The following DDX4 variants were observed in gnomAD, a reference collection of about 807,000 sequenced individuals.
DDX4 encodes the protein DEAD-box helicase 4.
In DDX4, 25 loss-of-function variants were observed where a neutral mutation model predicts 100.0. The observed-to-expected ratio is 0.25, with a 90% CI of 0.18 to 0.35. The LOEUF (loss-of-function observed/expected upper bound fraction) is 0.35. DDX4 is among the 10% of genes least tolerant of loss of function. The pLI, the probability that DDX4 is intolerant of heterozygous loss-of-function variation, is 1.00. For missense variants in DDX4, 635 were observed against 882.4 expected, an observed-to-expected ratio of 0.72 and a Z score of 3.55; for synonymous variants, 259 against 275.7, an observed-to-expected ratio of 0.94 and a Z score of 0.60.
chr5:55,756,689 A>AAG (rs1360043835), intron 3 of DDX4, among the ~76,000 whole-genome samples: 2 of 152,114 alleles, frequency 1.3e-5, no homozygotes, highest in African/African-American at 4.8e-5. Flanking sequence ...GATTTGGTCC[A>AAG]AGTGTAACTA....
intron 2 of DDX4, among the ~76,000 whole-genome samples, chr5:55,743,050 A>G (rs192867363): frequency 8.9e-4 from 136 of 152,302 alleles, no homozygotes; most frequent in Admixed American, 1.3e-3. Context: ...AAGAAGGCCA[A>G]TGTGTTAGTT....
At chr5:55,784,241 A>T (rs4333272) in intron 10 of DDX4, among the ~76,000 whole-genome samples, 16,445 of 152,132 alleles carry the variant, frequency 0.11, 1,367 homozygotes, top group East Asian at 0.29. Context: ...CTAGAGTCCA[A>T]AGGCCAGAGA....
chr5:55,793,023 AGTGT>A (rs10551567), intron 17 of DDX4, among the ~76,000 whole-genome samples: 10,857 of 144,668 alleles, frequency 0.075, 592 homozygotes, highest in African/African-American at 0.16. Context: ...TTATTTAAAA[AGTGT>A]GTGTGTGTGT....
Position 55,815,427 on chromosome 5 carries a change from A to G in DDX4, c.2097+4A>G, listed in dbSNP as rs1744340992. 1.2e-6 allele frequency: 2 copies of G among 1,601,414 alleles called. No individual in the cohort carries two copies. Among genetic ancestry groups the G allele is most frequent in the African/African-American group, 1.3e-5 (1 of 74,308 alleles). ...TGCATCAGTTGATACCAGAAAGGTT[A>G]GTAGAAAGGAAAACTTGAGAACTTG... is the stretch of plus-strand genomic sequence containing the variant. On this transcript the variant is annotated splice_donor_region_variant and intron_variant, in intron 21 of 21. Coordinates refer to ENST00000505374, the MANE Select transcript of DDX4 (RefSeq NM_024415.3).
At chr5:55,782,492 G>A (rs1262049956) in intron 10 of DDX4, among the ~76,000 whole-genome samples, 1 of 151,890 alleles carries the variant, frequency 6.6e-6, no homozygotes, top group Non-Finnish European at 1.5e-5. Context: ...CAGCTACTCA[G>A]GAGGCTAAGG....
At chr5:55,796,694 G>A (rs2112089646) in intron 17 of DDX4, among the ~76,000 whole-genome samples, 1 of 151,762 alleles carries the variant, frequency 6.6e-6, no homozygotes, top group Middle Eastern at 3.4e-3. Flanking sequence ...CTCATTATTT[G>A]TGCTTGTTTC....
intron 3 of DDX4, among the ~76,000 whole-genome samples, chr5:55,756,970 A>G (rs189952052): frequency 8.5e-5 from 13 of 152,296 alleles, no homozygotes; most frequent in African/African-American, 3.1e-4. Context: ...TTTCACATTT[A>G]CATGTGAAAG....
At chr5:55,801,689 G>T (rs1341322361) in intron 18 of DDX4, among the ~76,000 whole-genome samples, 2 of 152,128 alleles carry the variant, frequency 1.3e-5, no homozygotes, top group Non-Finnish European at 1.5e-5. Context: ...CAGCAAGATT[G>T]TTCATTAACA....
chr5:55,740,814 C>T (rs1758939074), intron 2 of DDX4, among the ~76,000 whole-genome samples: 1 of 152,104 alleles, frequency 6.6e-6, no homozygotes, highest in Non-Finnish European at 1.5e-5. Context: ...GCCACCACAC[C>T]CAGCCATATA....
intron 18 of DDX4, among the ~76,000 whole-genome samples, chr5:55,805,765 G>A (rs184094671): frequency 1.8e-3 from 281 of 152,296 alleles, no homozygotes; most frequent in African/African-American, 4.8e-3. Context: ...TGTTCATCAG[G>A]GATATTGGTC....
chr5:55,743,598 T>G (rs1481668301), intron 2 of DDX4, among the ~76,000 whole-genome samples: 1 of 152,042 alleles, frequency 6.6e-6, no homozygotes, highest in Non-Finnish European at 1.5e-5. Flanking sequence ...CCTGGCTAAT[T>G]TTTGTATTTT....
intron 17 of DDX4, among the ~76,000 whole-genome samples, chr5:55,794,765 G>T (rs1389966273): frequency 1.3e-5 from 2 of 152,106 alleles, no homozygotes; most frequent in Non-Finnish European, 2.9e-5. Flanking sequence ...TACATTCTTT[G>T]CTTCCTGACT....
intron 15 of DDX4, among the ~76,000 whole-genome samples, chr5:55,789,092 A>G (rs1742403915): frequency 6.6e-6 from 1 of 152,212 alleles, no homozygotes; most frequent in South Asian, 2.1e-4. Context: ...TTCTGTTTTA[A>G]GTATTTTCTT....
intron 18 of DDX4, among the ~76,000 whole-genome samples, chr5:55,810,102 AT>A (rs533865757): frequency 7.3e-5 from 11 of 149,802 alleles, no homozygotes; most frequent in African/African-American, 1.2e-4. Flanking sequence ...AGTGCTTCAT[AT>A]TTTTTTTTTC....
chr5:55,778,244 A>G (rs557574579), intron 7 of DDX4, among the ~76,000 whole-genome samples: 2 of 152,304 alleles, frequency 1.3e-5, no homozygotes, highest in East Asian at 3.9e-4. Flanking sequence ...TTTAGAATTT[A>G]ATAACAGTAA....
At chr5:55,798,011 A>C (rs1743069760) in intron 17 of DDX4, among the ~76,000 whole-genome samples, 2 of 152,240 alleles carry the variant, frequency 1.3e-5, no homozygotes, top group Admixed American at 1.3e-4. Flanking sequence ...ACAACTAATA[A>C]TAGCATAAAT....
chr5:55,781,978 C>G lies in DDX4; in HGVS notation c.622C>G (p.Arg208Gly). 1.2e-6 allele frequency: 2 copies of G among 1,613,872 alleles called. No individual in the cohort carries two copies. The highest frequency in any genetic ancestry group is 1.7e-6 in the Non-Finnish European group (2 of 1,179,912). Residue 208 changes from arginine (R) to glycine (G), a missense_variant, in exon 10 of 22, where the codon CGA (arginine) becomes GGA (glycine). Arg to Gly is a moderately radical substitution (Grantham distance 125). Transcript: ENST00000505374. ...SQSRSGSGSE[R>G]GGYKGLNEEV... is the part of the protein sequence containing the mutation. The stretch of plus-strand genomic sequence containing the variant: ...AAGCAGAAGTGGCAGTGGAAGTGAA[C>G]GAGGTAAGTTCTTATTTTGTTTACC...
At chr5:55,799,154 A>G (rs1383965189) in intron 18 of DDX4, among the ~76,000 whole-genome samples, 4 of 152,042 alleles carry the variant, frequency 2.6e-5, no homozygotes, top group African/African-American at 7.2e-5. Context: ...GGCAGCCTCA[A>G]ACTCCTGGCC....
rs577357617 is a variant in DDX4, at chr5:55,755,417, A to G, written c.128-4783A>G. On this transcript the variant is annotated intron_variant, in intron 3 of 21. Transcript: ENST00000505374. ...TGGCTTTTTAGAATTACTGATTTCT[A>G]TTATTTCTCCCTTATATCTATTAAT... Among the ~76,000 whole-genome samples the G allele has an allele frequency of 2.6e-5, 4 of 152,256 alleles. No homozygotes were observed. In the East Asian group the frequency reaches 5.8e-4, roughly 22 times the overall value.
Sources: allele counts gnomAD v4.1 joint callset (sites outside exome capture counted in the v4.1 genomes callset), GRCh38; gene constraint gnomAD v4.1.1; transcripts MANE v1.5; gene names NCBI Gene and HGNC (gene_info 2026-07-23, HGNC 2026-07-21).